TASP1: variants seen among roughly 807,000 people sequenced by gnomAD.
TASP1 encodes threonine aspartase 1.
In TASP1, 16 loss-of-function variants were observed where a neutral mutation model predicts 56.6. The observed-to-expected ratio is 0.28, with a 90% CI of 0.19 to 0.43. TASP1 has a LOEUF of 0.43. Ranked by LOEUF, TASP1 falls within the 20% of genes least tolerant of loss-of-function variation. TASP1 has a pLI of 1.00. For missense variants in TASP1, 393 were observed against 511.6 expected (o/e 0.77, Z 2.24); for synonymous variants, 179 against 184.2 (o/e 0.97, Z 0.23).
the TASP1 span, among the ~76,000 whole-genome samples, chr20:13,336,373 C>G: frequency 5.3e-5 from 8 of 152,162 alleles, no homozygotes; most frequent in Admixed American, 5.2e-4. Context: ...CGTCCTGCCC[C>G]CTGCCTCCTC....
At chr20:13,347,564 C>T in the TASP1 span, among the ~76,000 whole-genome samples, 4 of 152,336 alleles carry the variant, frequency 2.6e-5, no homozygotes, top group East Asian at 1.9e-4. Context: ...ATTGGCCAGG[C>T]ACGGTGGCTC....
intron 10 of TASP1, among the ~76,000 whole-genome samples, chr20:13,506,424 A>G (rs1379276632): frequency 6.6e-6 from 1 of 152,194 alleles, no homozygotes; most frequent in Admixed American, 6.5e-5. Flanking sequence ...ACCAAAGCTA[A>G]GCAAAGGCAT....
chr20:13,306,518 C>G, the TASP1 span, among the ~76,000 whole-genome samples: 2 of 116,580 alleles, frequency 1.7e-5, no homozygotes, highest in Non-Finnish European at 3.3e-5. Context: ...GTTTGTTTGT[C>G]TGTTTTCACC....
intron 8 of TASP1, among the ~76,000 whole-genome samples, chr20:13,550,480 T>C (rs1484225772): frequency 3.3e-5 from 5 of 149,604 alleles, no homozygotes; most frequent in Non-Finnish European, 7.4e-5. Flanking sequence ...TACCTACAAC[T>C]AAAAAAAAAA....
chr20:13,221,614 C>G, the TASP1 span, among the ~76,000 whole-genome samples: 1 of 147,254 alleles, frequency 6.8e-6, no homozygotes, highest in Non-Finnish European at 1.5e-5. Context: ...CACACCCCGC[C>G]GCGCCCAGCG....
chr20:13,470,469 C>G (rs1399920336), intron 11 of TASP1, among the ~76,000 whole-genome samples: 1 of 152,088 alleles, frequency 6.6e-6, no homozygotes, highest in Non-Finnish European at 1.5e-5. Flanking sequence ...AATCCACCTA[C>G]CCACTTAAAT....
chr20:13,427,899 A>C (rs2042672352), intron 12 of TASP1, among the ~76,000 whole-genome samples: 1 of 152,214 alleles, frequency 6.6e-6, no homozygotes, highest in African/African-American at 2.4e-5. Context: ...GTTGATAGGA[A>C]AGAATCTGAA....
At chr20:13,214,284 A>G in the TASP1 span, among the ~76,000 whole-genome samples, 1 of 152,128 alleles carries the variant, frequency 6.6e-6, no homozygotes, top group African/African-American at 2.4e-5. Flanking sequence ...AAGAGCAACC[A>G]TTTATTTTGC....
At chr20:13,517,166 A>G (rs1359747444) in intron 10 of TASP1, among the ~76,000 whole-genome samples, 1 of 152,094 alleles carries the variant, frequency 6.6e-6, no homozygotes, top group Non-Finnish European at 1.5e-5. Flanking sequence ...ATATGTCAAC[A>G]TATTCCTATA....
chr20:13,321,253 T>TAAAAAAAAAA, the TASP1 span, among the ~76,000 whole-genome samples: 6 of 57,514 alleles, frequency 1.0e-4, no homozygotes, highest in South Asian at 7.4e-4. Flanking sequence ...GTGCCCCACA[T>TAAAAAAAAAA]AAAAAAAAAA....
At chr20:13,143,617 G>A in the TASP1 span, among the ~76,000 whole-genome samples, 1 of 152,148 alleles carries the variant, frequency 6.6e-6, no homozygotes. Context: ...AGTCTGGGGG[G>A]CTTCCCCATC....
the TASP1 span, among the ~76,000 whole-genome samples, chr20:13,194,860 T>G: frequency 6.6e-6 from 1 of 152,298 alleles, no homozygotes; most frequent in Middle Eastern, 3.4e-3. Context: ...CACAATGATC[T>G]GACTGGCTTC....
chr20:13,395,358 C>A (rs1262484240), intron 13 of TASP1, among the ~76,000 whole-genome samples: 1 of 152,178 alleles, frequency 6.6e-6, no homozygotes, highest in Admixed American at 6.5e-5. Context: ...TTTATGTTAC[C>A]ACGTGCTTTT....
chr20:13,415,375 G>A (rs994649715), intron 13 of TASP1, among the ~76,000 whole-genome samples: 2 of 150,732 alleles, frequency 1.3e-5, no homozygotes, highest in African/African-American at 4.9e-5. Flanking sequence ...TATAACAAAA[G>A]AGATAATTTT....
intron 10 of TASP1, among the ~76,000 whole-genome samples, chr20:13,506,644 A>ATGAT (rs2044143009): frequency 6.6e-6 from 1 of 152,136 alleles, no homozygotes; most frequent in Admixed American, 6.6e-5. Flanking sequence ...CAAAAACCAT[A>ATGAT]TGATCATCTC....
the TASP1 span, among the ~76,000 whole-genome samples, chr20:13,221,219 A>ACTCCTCCTCCTCCTCCTC: frequency 6.6e-4 from 55 of 82,754 alleles, no homozygotes; most frequent in South Asian, 2.7e-3. Context: ...AAGCCCTCCT[A>ACTCCTCCTCCTCCTCCTC]CTCCTCCTCC....
intron 6 of TASP1, among the ~76,000 whole-genome samples, chr20:13,572,259 T>C (rs1362610157): frequency 3.3e-5 from 5 of 151,972 alleles, no homozygotes; most frequent in Admixed American, 6.6e-5. Flanking sequence ...AATAATAGAG[T>C]GTCAAACTTC....
At chr20:13,129,457 G>T in the TASP1 span, among the ~76,000 whole-genome samples, 1 of 152,192 alleles carries the variant, frequency 6.6e-6, no homozygotes, top group African/African-American at 2.4e-5. Context: ...TTTCTTAATG[G>T]AAAATCAATT....
At chr20:13,324,326 C>T in the TASP1 span, among the ~76,000 whole-genome samples, 1 of 152,126 alleles carries the variant, frequency 6.6e-6, no homozygotes, top group Non-Finnish European at 1.5e-5. Context: ...GGAACAATTG[C>T]CTTGCTAGCT....
Sources: gnomAD v4.1 joint callset for allele counts (sites outside exome capture counted in the v4.1 genomes callset) on GRCh38, gnomAD v4.1.1 for gene constraint, MANE v1.5 for transcripts, NCBI Gene and HGNC (gene_info 2026-07-23, HGNC 2026-07-21) for gene names.